UNKL: variants seen among roughly 807,000 people sequenced by gnomAD.
The protein encoded by UNKL is putative E3 ubiquitin-protein ligase UNKL.
In UNKL, 60 loss-of-function variants were observed where a neutral mutation model predicts 78.0. The ratio of observed to expected loss-of-function variants is 0.77; its 90% CI spans 0.63 to 0.95. UNKL has a LOEUF of 0.95. Ranked by LOEUF, UNKL falls within the 40% of genes least tolerant of loss-of-function variation. The probability of loss-of-function intolerance (pLI) is 0.00; values close to 1 mark genes in which losing one functional copy is unlikely to be tolerated. For synonymous variants in UNKL, 608 were observed against 474.8 expected (o/e 1.28, Z -3.65); for missense variants, 1,159 against 1,045.7 (o/e 1.11, Z -1.49).
In UNKL at chr16:1,399,608, AG is replaced by A. The variant is rs1312403431; in HGVS notation, c.599-100del. 1.3e-6 allele frequency: 2 copies of A among 1,512,742 alleles called. No homozygotes were observed. Among genetic ancestry groups the A allele is most frequent in the African/African-American group, 1.4e-5 (1 of 71,988 alleles). The allele number at this position is 1,512,742 out of a possible 1,614,324, so 93.7% of individuals were successfully genotyped here. On this transcript the variant is annotated intron_variant, in intron 4 of 14. Transcript: ENST00000389221. The surrounding 1 kb of genome is among the most constrained non-coding windows in gnomAD (Gnocchi z 5.8). ...AGGACCTGGCTGTCCCCCAAATGGA[AG>A]GGGCTGCAGGAGGACTTGGGGAGCG... is the stretch of plus-strand genomic sequence containing the variant.
intron 2 of UNKL, among the ~76,000 whole-genome samples, chr16:1,409,794 T>C (rs1297275490): frequency 1.3e-5 from 2 of 151,972 alleles, no homozygotes; most frequent in Non-Finnish European, 2.9e-5. Context: ...AACAAAAACT[T>C]ATGAGGCCGG....
intron 10 of UNKL, among the ~76,000 whole-genome samples, chr16:1,384,707 T>C (rs1427645989): frequency 6.6e-6 from 1 of 152,126 alleles, no homozygotes; most frequent in Non-Finnish European, 1.5e-5. Flanking sequence ...CAAGGGATCC[T>C]CCCACCTCAG....
chr16:1,401,813 C>A, intron 3 of UNKL, 112 bp from the exon 4 acceptor site: 1 of 1,449,684 alleles, frequency 6.9e-7, no homozygotes, highest in Non-Finnish European at 9.2e-7. Flanking sequence ...AGGCTGCTGC[C>A]GAAGGGTTCA....
chr16:1,407,192 C>A (rs930358173), intron 2 of UNKL: 1 of 151,826 alleles, frequency 6.6e-6, no homozygotes, highest in Non-Finnish European at 1.5e-5. Flanking sequence ...ACTCCAGACC[C>A]GCCAGATACA....
In UNKL at chr16:1,366,415, A is replaced by G; in HGVS notation, c.2047-20T>C. 6.4e-7 allele frequency: 1 copy of G among 1,562,774 alleles called. No individual in the cohort carries two copies. The highest frequency in any genetic ancestry group is 1.3e-5 in the African/African-American group (1 of 74,098). On this transcript the variant is annotated intron_variant, in intron 14 of 14. Transcript: ENST00000389221. Reference sequence around the variant, plus strand: ...GATCACCTGCAGGGCCAGAACAATGACGGGCTCAGGAGGCCCCTGCCCAGG... The same window carrying G: ...GATCACCTGCAGGGCCAGAACAATGGCGGGCTCAGGAGGCCCCTGCCCAGG...
At chr16:1,371,750 G>A in intron 10 of UNKL, 139 bp from the exon 11 acceptor site, 2 of 861,900 alleles carry the variant, frequency 2.3e-6, no homozygotes, top group Non-Finnish European at 3.5e-6. Context: ...GGGGCAGCCA[G>A]GGAAGGACAC....
chr16:1,376,058 G>A (rs1439079644), intron 10 of UNKL, among the ~76,000 whole-genome samples: 3 of 150,104 alleles, frequency 2.0e-5, no homozygotes, highest in African/African-American at 7.5e-5. Context: ...GTGGCGGGCA[G>A]GGCCTCTTCC....
intron 12 of UNKL, among the ~76,000 whole-genome samples, chr16:1,368,851 A>G (rs2035535635): frequency 6.6e-6 from 1 of 152,136 alleles, no homozygotes; most frequent in East Asian, 1.9e-4. Flanking sequence ...CAGTGAGCCA[A>G]GATTGCTGGA....
At chr16:1,412,938 G>A (rs1201565282) in intron 2 of UNKL, among the ~76,000 whole-genome samples, 2 of 152,068 alleles carry the variant, frequency 1.3e-5, no homozygotes, top group African/African-American at 4.8e-5. Flanking sequence ...TTCTCATGCA[G>A]GAACTGTGTC....
chr16:1,384,134 G>C (rs2036717892), intron 10 of UNKL, among the ~76,000 whole-genome samples: 1 of 152,128 alleles, frequency 6.6e-6, no homozygotes, highest in African/African-American at 2.4e-5. Flanking sequence ...ATGGAACATG[G>C]GGCTTCAGCA....
At position 1,363,315 on chromosome 16, in the gene UNKL, T is replaced by TAAAC. The variant is rs1301443794; in HGVS notation, c.*2921_*2924dup. Reference sequence around the variant, plus strand: ...AAAAAATTTAAACAAGTGTTAACTTTAAACAGTTCGCTACAAGTAAATGAT... The same window carrying TAAAC: ...AAAAAATTTAAACAAGTGTTAACTTTAAACAAACAGTTCGCTACAAGTAAATGAT... On this transcript the variant is annotated 3_prime_UTR_variant, in exon 15 of 15. Transcript: ENST00000389221. 3 of 560,364 alleles carry TAAAC rather than the reference T, an allele frequency of 5.4e-6. No homozygotes were observed. In the Admixed American group the frequency reaches 9.0e-5, roughly 17 times the overall value. The allele number at this position is 560,364 out of a possible 1,614,324, so 34.7% of individuals were successfully genotyped here.
intron 4 of UNKL, among the ~76,000 whole-genome samples, chr16:1,400,403 G>T (rs1338837304): frequency 1.7e-5 from 2 of 117,250 alleles, no homozygotes; most frequent in African/African-American, 6.5e-5. Context: ...GGGTGACAGA[G>T]CGAGACTCCA....
At chr16:1,398,311 C>T (rs1380108461) in intron 5 of UNKL, 1 of 1,001,502 alleles carries the variant, frequency 1.0e-6, no homozygotes. Flanking sequence ...TTCGTGGAAT[C>T]TCTAGCTGCT....
At chr16:1,379,692 G>GCGCCCCGCCCCCTCCGCGCTGGCCC in intron 10 of UNKL, 1 of 983,248 alleles carries the variant, frequency 1.0e-6, no homozygotes, top group Non-Finnish European at 1.2e-6. Flanking sequence ...AACCCGGCCC[G>GCGCCCCGCCCCCTCCGCGCTGGCCC]CGCCCCGCCC....
In UNKL at chr16:1,399,549, G is replaced by A; in HGVS notation, c.599-40C>T. ...ACACGGTGCCTGAGCAGCGCGACTGGAAGCAATGCTGGGCAGAGGAGACCA... is the reference window on the plus strand; with the variant it reads ...ACACGGTGCCTGAGCAGCGCGACTGAAAGCAATGCTGGGCAGAGGAGACCA... On this transcript the variant is annotated intron_variant, in intron 4 of 14. Coordinates refer to ENST00000389221, the MANE Select transcript of UNKL (RefSeq NM_001372107.1). The surrounding 1 kb of genome is among the most constrained non-coding windows in gnomAD (Gnocchi z 5.8). The A allele has an allele frequency of 1.3e-6, 2 of 1,564,864 alleles. No individual in the cohort carries two copies. The highest frequency in any genetic ancestry group is 1.7e-6 in the Non-Finnish European group (2 of 1,157,840).
intron 6 of UNKL, chr16:1,395,616 C>T (rs2037226145): frequency 2.3e-6 from 1 of 443,820 alleles, no homozygotes; most frequent in Non-Finnish European, 4.6e-6. Context: ...CCCCAGGAAC[C>T]TCCTGCCTCG....
At chr16:1,413,057 G>C (rs986103525) in intron 2 of UNKL, among the ~76,000 whole-genome samples, 6 of 151,810 alleles carry the variant, frequency 4.0e-5, no homozygotes, top group African/African-American at 1.5e-4. Context: ...AGACCAGCCT[G>C]GGCAATGTAG....
intron 11 of UNKL, among the ~76,000 whole-genome samples, chr16:1,370,812 A>G (rs28525444): frequency 0.068 from 10,323 of 152,206 alleles, 752 homozygotes; most frequent in African/African-American, 0.18. Context: ...GGCCGGGCGC[A>G]CTGGCTCACG....
At chr16:1,385,548 G>A in intron 9 of UNKL, 163 bp from the exon 10 acceptor site, 1 of 620,776 alleles carries the variant, frequency 1.6e-6, no homozygotes, top group Middle Eastern at 4.7e-4. Flanking sequence ...ACCGCACCGA[G>A]GAGAAACACC....
Sources: allele counts gnomAD v4.1 joint callset (sites outside exome capture counted in the v4.1 genomes callset), GRCh38; gene constraint gnomAD v4.1.1; non-coding constraint Gnocchi (gnomAD v3.1); transcripts MANE v1.5; gene names NCBI Gene and HGNC (gene_info 2026-07-23, HGNC 2026-07-21).